CTNNB1: variants seen among roughly 807,000 people sequenced by gnomAD.
CTNNB1 encodes catenin beta 1.
CTNNB1 carries 6 observed loss-of-function variants against 82.5 expected under a neutral mutation model. That is an observed-to-expected ratio of 0.07 (90% CI 0.04 to 0.14). The LOEUF (loss-of-function observed/expected upper bound fraction) is 0.14, where lower values mean the gene tolerates loss of function less well. Ranked by LOEUF, CTNNB1 falls within the 10% of genes least tolerant of loss-of-function variation. The pLI is 1.00. For synonymous variants in CTNNB1, 312 were observed against 329.7 expected (o/e 0.95, Z 0.58); for missense variants, 529 against 980.4 (o/e 0.54, Z 6.15).
At chr3:41,203,869 T>TA (rs1278014162) in intron 1 of CTNNB1, among the ~76,000 whole-genome samples, 3 of 152,218 alleles carry the variant, frequency 2.0e-5, no homozygotes, top group Non-Finnish European at 4.4e-5. Context: ...TATTCTAAAT[T>TA]AGTTTTTGGA....
At chr3:41,236,284 C>T in intron 11 of CTNNB1, 65 bp from the exon 12 acceptor site, 6 of 1,589,770 alleles carry the variant, frequency 3.8e-6, no homozygotes, top group Non-Finnish European at 5.2e-6. Context: ...GTTTGCACCA[C>T]AGTGGGGGGC....
chr3:41,233,688 C>G lies in CTNNB1; in HGVS notation c.1345C>G (p.Arg449Gly), dbSNP rs771596917. 6.2e-7 allele frequency: 1 copy of G among 1,614,048 alleles called. No individual in the cohort carries two copies. The highest frequency in any genetic ancestry group is 8.5e-7 in the Non-Finnish European group (1 of 1,180,002). The change falls in exon 9 of 15, where the codon CGT (arginine) becomes GGT (glycine). Residue 449 changes from arginine to glycine, a missense_variant. By Grantham distance (125) the Arg-to-Gly change is moderately radical. Around this residue, in one of 4 missense-constraint regions of CTNNB1, gnomAD observed 411 missense variants for 776.4 expected, o/e 0.53. Coordinates refer to ENST00000349496, the MANE Select transcript of CTNNB1 (RefSeq NM_001904.4). ...AGTGGGTGGTATAGAGGCTCTTGTGCGTACTGTCCTTCGGGCTGGTGACAG... is the reference window on the plus strand; with the variant it reads ...AGTGGGTGGTATAGAGGCTCTTGTGGGTACTGTCCTTCGGGCTGGTGACAG... ...CQVGGIEALV[R>G]TVLRAGDRED...
At chr3:41,205,263 A>G (rs915299198) in intron 1 of CTNNB1, among the ~76,000 whole-genome samples, 11 of 152,232 alleles carry the variant, frequency 7.2e-5, no homozygotes, top group African/African-American at 2.2e-4. Context: ...TCCAAAACTT[A>G]AAAACAGTTT....
At chr3:41,218,655 G>A (rs945444990) in intron 1 of CTNNB1, among the ~76,000 whole-genome samples, 1 of 152,198 alleles carries the variant, frequency 6.6e-6, no homozygotes, top group Admixed American at 6.5e-5. Context: ...TCCCACCTCA[G>A]CTTCCCAAGT....
chr3:41,222,974 G>C (rs959867095), intron 1 of CTNNB1, among the ~76,000 whole-genome samples: 2 of 152,128 alleles, frequency 1.3e-5, no homozygotes, highest in African/African-American at 4.8e-5. Flanking sequence ...TCACATCTGA[G>C]ATAGGAAAAT....
intron 13 of CTNNB1, chr3:41,237,172 A>G (rs1359344414): frequency 8.8e-6 from 2 of 227,430 alleles, no homozygotes; most frequent in Non-Finnish European, 1.7e-5. Flanking sequence ...ACATCCTGAT[A>G]TTTTATCCAT....
At chr3:41,211,933 G>T (rs904711919) in intron 1 of CTNNB1, among the ~76,000 whole-genome samples, 1 of 152,122 alleles carries the variant, frequency 6.6e-6, no homozygotes, top group African/African-American at 2.4e-5. Context: ...ACAATAAATC[G>T]TGTAACTTTT....
In CTNNB1 at chr3:41,239,983, G is replaced by GTTTTTT. The variant is rs2078538434; in HGVS notation, c.*641_*642insTTTTTT. 1 of 81,482 alleles carries GTTTTTT rather than the reference G, an allele frequency of 1.2e-5. No homozygotes were observed. The highest frequency in any genetic ancestry group is 1.5e-4 in the East Asian group (1 of 6,872). 5.0% of individuals were successfully genotyped at this position (81,482 alleles called of 1,614,324 possible). ...TACTGACTTTGCTTGCTTTGAAGTAGCTCTTTTTTTTTTTTTTTTTTTTTT... is the reference window on the plus strand; with the variant it reads ...TACTGACTTTGCTTGCTTTGAAGTAGTTTTTTCTCTTTTTTTTTTTTTTTTTTTTTT... On this transcript the variant is annotated 3_prime_UTR_variant, in exon 15 of 15. Coordinates refer to ENST00000349496, the MANE Select transcript of CTNNB1 (RefSeq NM_001904.4).
chr3:41,236,754 A>G (rs2125647765), intron 13 of CTNNB1, 45 bp downstream of exon 13: 12 of 1,612,898 alleles, frequency 7.4e-6, no homozygotes, highest in Non-Finnish European at 1.0e-5. Context: ...TTCCTAGAGC[A>G]GGTATGGCAG....
rs775666001 is a variant in CTNNB1 at position 41,235,733 on chromosome 3, C to T, written c.1693C>T (p.Arg565Cys). 1.1e-5 allele frequency: 18 copies of T among 1,613,908 alleles called. 1 individual carries two copies. The highest frequency in any genetic ancestry group is 3.3e-5 in the South Asian group (3 of 91,086). ...GTQQQFVEGV[R>C]MEEIVEGCTG... is the part of the protein sequence containing the mutation. ...ATGTTTCTTTTGGCAGGAGGGGGTC[C>T]GCATGGAAGAAATAGTTGAAGGTTG... Residue 565 changes from arginine (R) to cysteine (C), a missense_variant, in exon 11 of 15, where the codon CGC becomes TGC. Coordinates refer to ENST00000349496, the MANE Select transcript of CTNNB1 (RefSeq NM_001904.4).
intron 1 of CTNNB1, chr3:41,222,439 C>T (rs1044241360): frequency 1.3e-5 from 2 of 152,136 alleles, no homozygotes; most frequent in Non-Finnish European, 2.9e-5. Context: ...CCTCCTTCAC[C>T]TCATAGGGTT....
intron 2 of CTNNB1, 45 bp downstream of exon 2, chr3:41,224,126 C>G (rs549973660): frequency 6.5e-5 from 105 of 1,611,014 alleles, no homozygotes; most frequent in Non-Finnish European, 8.7e-5. Flanking sequence ...GGCTCTGCTT[C>G]GTTGCCATTA....
chr3:41,208,574 C>T (rs570296018), intron 1 of CTNNB1, among the ~76,000 whole-genome samples: 2 of 152,200 alleles, frequency 1.3e-5, no homozygotes, highest in East Asian at 3.9e-4. Flanking sequence ...TTTCCCTGTT[C>T]CTCACCCTCA....
chr3:41,221,769 C>G (rs1452558970), intron 1 of CTNNB1: 3 of 152,130 alleles, frequency 2.0e-5, no homozygotes, highest in Non-Finnish European at 4.4e-5. Context: ...TTTAAGCACT[C>G]CTCCCTCTTG....
Position 41,233,460 on chromosome 3 carries a change from AC to A in CTNNB1, c.1185+17del. ...AACTAAACAGGTAAATTCTGAGTAA[AC>A]TGGTGCCATGGGAATAGAGTCAAGA... is the stretch of plus-strand genomic sequence containing the variant. On this transcript the variant is annotated intron_variant, in intron 8 of 14. Transcript: ENST00000349496. 6.2e-7 allele frequency: 1 copy of A among 1,613,918 alleles called. No individual in the cohort carries two copies. Among genetic ancestry groups the A allele is most frequent in the Non-Finnish European group, 8.5e-7 (1 of 1,179,792 alleles).
Position 41,225,892 on chromosome 3 carries a change from T to A in CTNNB1, c.936+31T>A. 1 of 1,580,514 alleles carries A rather than the reference T, an allele frequency of 6.3e-7. No homozygotes were observed. Among genetic ancestry groups the A allele is most frequent in the Non-Finnish European group, 8.7e-7 (1 of 1,152,626 alleles). On this transcript the variant is annotated intron_variant, in intron 6 of 14. Transcript: ENST00000349496. The surrounding 1 kb of genome is among the most constrained non-coding windows in gnomAD (Gnocchi z 5.3). ...AGAATTATTCTTTATGTGGTTTTCA[T>A]GGAGCATTGGACACCTCCAGTGTCA...
At chr3:41,222,107 G>A (rs1476012757) in intron 1 of CTNNB1, 3 of 152,140 alleles carry the variant, frequency 2.0e-5, no homozygotes, top group African/African-American at 7.2e-5. Flanking sequence ...GAAGTGATTG[G>A]TAAGTTTTGG....
chr3:41,235,694 CCT>C (rs2078418704), intron 10 of CTNNB1, 28 bp from the exon 11 acceptor site: 2 of 1,613,938 alleles, frequency 1.2e-6, no homozygotes, highest in Non-Finnish European at 1.7e-6. Context: ...AGGAGAATGC[CCT>C]GTTTGTTAAC....
Position 41,225,314 on chromosome 3 carries a change from T to A in CTNNB1, c.496-20T>A, listed in dbSNP as rs2125621968. ...CCAGTACTTGAAAACTAACGATGTT[T>A]CTGAATTCCTGTATTACAGGTGGTG... On this transcript the variant is annotated intron_variant, in intron 4 of 14. Transcript: ENST00000349496. The surrounding 1 kb of genome is among the most constrained non-coding windows in gnomAD (Gnocchi z 5.3). 12 of 1,614,034 alleles carry A rather than the reference T, an allele frequency of 7.4e-6. No homozygotes were observed. The highest frequency in any genetic ancestry group is 1.0e-5 in the Non-Finnish European group (12 of 1,179,918).
Sources: gnomAD v4.1 joint callset for allele counts (sites outside exome capture counted in the v4.1 genomes callset) on GRCh38, gnomAD v4.1.1 for gene constraint, gnomAD v4.1.1 regional missense constraint, Gnocchi (gnomAD v3.1) non-coding constraint, MANE v1.5 for transcripts, NCBI Gene and HGNC (gene_info 2026-07-23, HGNC 2026-07-21) for gene names.